Variants in KLHL20 observed in about 807,000 individuals in gnomAD.
The protein encoded by KLHL20 is kelch-like protein 20.
In KLHL20, 29 loss-of-function variants were observed where a neutral mutation model predicts 69.5. The ratio of observed to expected loss-of-function variants is 0.42; its 90% confidence interval spans 0.31 to 0.57. KLHL20 has a LOEUF of 0.57. Among genes scored for constraint, KLHL20 ranks in the 20% least tolerant of loss-of-function variants. KLHL20 has a pLI of 0.18. For missense variants in KLHL20, 419 were observed against 776.0 expected (o/e 0.54, Z 5.47); for synonymous variants, 253 against 265.2 (o/e 0.95, Z 0.45).
At chr1:173,753,053 G>C (rs570051536) in intron 4 of KLHL20, among the ~76,000 whole-genome samples, 160 bp from the exon 5 acceptor site, 1 of 152,244 alleles carries the variant, frequency 6.6e-6, no homozygotes, top group South Asian at 2.1e-4. Context: ...TGCACTTGTA[G>C]TTGCAGCTAC....
At chr1:173,772,084 A>T (rs544908897) in intron 8 of KLHL20, among the ~76,000 whole-genome samples, 2 of 152,296 alleles carry the variant, frequency 1.3e-5, no homozygotes, top group Non-Finnish European at 2.9e-5. Context: ...CTTTTGAAAA[A>T]ATTTCTATAT....
At position 173,786,656 on chromosome 1, in the gene KLHL20, CT is replaced by C. The variant is rs150910186; in HGVS notation, c.*1415del. On this transcript the variant is annotated 3_prime_UTR_variant, in exon 12 of 12. Transcript: ENST00000209884. ...TTATGCTTTTTTCTAGCATGTATAA[CT>C]TTTTTAAATAAAGGTAGTATTTACC... 7.7e-4 allele frequency: 118 copies of C among 152,370 alleles called. 1 individual carries two copies. In the East Asian group the frequency reaches 0.022, roughly 28 times the overall value. The allele number at this position is 152,370 out of a possible 1,614,324, so 9.4% of individuals were successfully genotyped here.
At chr1:173,748,786 G>C (rs930760708) in intron 3 of KLHL20, among the ~76,000 whole-genome samples, 1 of 151,942 alleles carries the variant, frequency 6.6e-6, no homozygotes, top group Admixed American at 6.6e-5. Context: ...CTCTGCTTCA[G>C]AACGTTCTTG....
rs113128505 is a variant in KLHL20 at position 173,779,249 on chromosome 1, C to G, written c.1639-2875C>G. ...TAAATCAAGCCCTGCTAATTTGACA[C>G]TAGAAAATAATGAATTTCTTTTGAT... On this transcript the variant is annotated intron_variant, in intron 10 of 11. Transcript: ENST00000209884. Among the ~76,000 whole-genome samples the G allele has an allele frequency of 9.2e-3, 1,401 of 151,818 alleles. 20 individuals are homozygous for G. The highest frequency in any genetic ancestry group is 0.031 in the African/African-American group (1,277 of 41,402).
chr1:173,755,499 C>T (rs1236670528), intron 5 of KLHL20, among the ~76,000 whole-genome samples: 1 of 152,074 alleles, frequency 6.6e-6, no homozygotes, highest in Non-Finnish European at 1.5e-5. Context: ...TTCAGCAATC[C>T]GATTTTTGAC....
At chr1:173,763,672 TTAGC>T (rs1306873371) in intron 7 of KLHL20, among the ~76,000 whole-genome samples, 1 of 151,968 alleles carries the variant, frequency 6.6e-6, no homozygotes, top group Admixed American at 6.6e-5. Flanking sequence ...GCTGGGATAA[TTAGC>T]TAGCCACATG....
intron 3 of KLHL20, among the ~76,000 whole-genome samples, chr1:173,740,019 T>A (rs1377033436): frequency 3.9e-5 from 6 of 152,140 alleles, no homozygotes; most frequent in African/African-American, 1.4e-4. Flanking sequence ...CTATCCATTT[T>A]GTATATCTTT....
At chr1:173,716,897 T>C (rs773191608) in intron 2 of KLHL20, among the ~76,000 whole-genome samples, 19 of 152,208 alleles carry the variant, frequency 1.2e-4, no homozygotes, top group Non-Finnish European at 2.2e-4. Flanking sequence ...AAATCTGTTA[T>C]TGGTTTATCA....
chr1:173,765,490 G>A (rs1030109269), intron 7 of KLHL20, among the ~76,000 whole-genome samples: 1 of 150,834 alleles, frequency 6.6e-6, no homozygotes, highest in Non-Finnish European at 1.5e-5. Flanking sequence ...GCAACAGAGC[G>A]AGACTCCGTC....
intron 6 of KLHL20, among the ~76,000 whole-genome samples, chr1:173,756,567 T>A (rs6667235): frequency 0.012 from 1,898 of 152,282 alleles, 39 homozygotes; most frequent in African/African-American, 0.041. Context: ...CAGTAGATGT[T>A]TTGTTGAAAT....
In KLHL20 at chr1:173,740,973, A is replaced by ACC. The variant is rs1215203954; in HGVS notation, c.597+6688_597+6689dup. Among the ~76,000 whole-genome samples, 81 of 152,268 alleles carry ACC rather than the reference A, an allele frequency of 5.3e-4. 2 individuals are homozygous for ACC. The South Asian group carries it at 0.012, about 23-fold the overall frequency. The stretch of plus-strand genomic sequence containing the variant: ...AAAGTCAGAAATGGCTTCCCTAGGG[A>ACC]CCAGGACTGCCTACAGGGCTTTTCC... On this transcript the variant is annotated intron_variant, in intron 3 of 11. Transcript: ENST00000209884.
chr1:173,766,902 T>C (rs113857279), intron 8 of KLHL20, among the ~76,000 whole-genome samples: 1,785 of 152,320 alleles, frequency 0.012, 9 homozygotes, highest in Middle Eastern at 0.041. Flanking sequence ...CTCACATACT[T>C]ATGATTTATT....
rs759833875 is a variant in KLHL20 at position 173,755,940 on chromosome 1, C to G, written c.869C>G (p.Ala290Gly). 1 of 1,613,434 alleles carries G rather than the reference C, an allele frequency of 6.2e-7. No individual in the cohort carries two copies. The highest frequency in any genetic ancestry group is 8.5e-7 in the Non-Finnish European group (1 of 1,179,684). The change falls in exon 6 of 12, where the codon GCT (alanine) becomes GGT (glycine). Residue 290 changes from alanine to glycine, a missense_variant. Ala to Gly is a moderately conservative substitution (Grantham distance 60). Coordinates refer to ENST00000209884, the MANE Select transcript of KLHL20 (RefSeq NM_014458.4). Reference protein sequence around the residue: ...DEECRDLVDEAKNYLLLPQER... With the variant: ...DEECRDLVDEGKNYLLLPQER... ...TTCTACAGAGACTTGGTAGATGAGG[C>G]TAAAAACTACCTCCTATTGCCGCAA...
chr1:173,748,224 G>A (rs1311903715), intron 3 of KLHL20, among the ~76,000 whole-genome samples: 2 of 152,002 alleles, frequency 1.3e-5, no homozygotes, highest in African/African-American at 4.8e-5. Flanking sequence ...TATCAAAAAT[G>A]TAAAGAAGAA....
At position 173,766,127 on chromosome 1, in the gene KLHL20, C is replaced by T. The variant is rs368915332; in HGVS notation, c.1152-19C>T. 6 of 1,561,770 alleles carry T rather than the reference C, an allele frequency of 3.8e-6. No individual in the cohort carries two copies. In the African/African-American group the frequency reaches 7.0e-5, roughly 18 times the overall value. On this transcript the variant is annotated intron_variant, in intron 7 of 11. Coordinates refer to ENST00000209884, the MANE Select transcript of KLHL20 (RefSeq NM_014458.4). ...TCCTTTGTGTAATACAAACTCTCCT[C>T]TTGGTATGTTCTTTTCAGGTATGAC...
chr1:173,726,115 A>G (rs1369753471), intron 2 of KLHL20, among the ~76,000 whole-genome samples: 1 of 152,150 alleles, frequency 6.6e-6, no homozygotes, highest in Non-Finnish European at 1.5e-5. Flanking sequence ...CGCCTGGCTC[A>G]GAGGGTCCTA....
intron 3 of KLHL20, among the ~76,000 whole-genome samples, chr1:173,743,080 A>G (rs938084312): frequency 6.6e-6 from 1 of 150,910 alleles, no homozygotes. Context: ...CATGAAAAAT[A>G]CAATGGAAAA....
At chr1:173,769,805 A>C (rs2102525712) in intron 8 of KLHL20, among the ~76,000 whole-genome samples, 1 of 150,846 alleles carries the variant, frequency 6.6e-6, no homozygotes, top group African/African-American at 2.4e-5. Context: ...AAAAAAATTT[A>C]AGGATACCCC....
At position 173,734,035 on chromosome 1, in the gene KLHL20, G is replaced by C; in HGVS notation, c.346G>C (p.Glu116Gln). 6.2e-7 allele frequency: 1 copy of C among 1,614,182 alleles called. No individual in the cohort carries two copies. Among genetic ancestry groups the C allele is most frequent in the Non-Finnish European group, 8.5e-7 (1 of 1,180,034 alleles). Reference sequence around the variant, plus strand: ...AGAAGTAGTGATCCGAGACATTGACGAGAGGGCTATGGAATTACTGATTGA... The same window carrying C: ...AGAAGTAGTGATCCGAGACATTGACCAGAGGGCTATGGAATTACTGATTGA... The part of the protein sequence containing the change: ...QTEVVIRDID[E>Q]RAMELLIDFA... Residue 116 changes from glutamate to glutamine, a missense_variant, in exon 3 of 12, where the codon GAG becomes CAG. By Grantham distance (29) the Glu-to-Gln change is conservative. Coordinates refer to ENST00000209884, the MANE Select transcript of KLHL20 (RefSeq NM_014458.4).
Sources: gnomAD v4.1 joint callset for allele counts (sites outside exome capture counted in the v4.1 genomes callset) on GRCh38, gnomAD v4.1.1 for gene constraint, MANE v1.5 for transcripts, NCBI Gene and HGNC (gene_info 2026-07-23, HGNC 2026-07-21) for gene names.